Variants in NECAB1 observed in about 807,000 individuals in gnomAD.
NECAB1 encodes the protein N-terminal EF-hand calcium-binding protein 1.
In NECAB1, 29 loss-of-function variants were observed where a neutral mutation model predicts 57.5. That is an observed-to-expected ratio of 0.50 (90% CI 0.38 to 0.69). The LOEUF (loss-of-function observed/expected upper bound fraction) is 0.69. Among genes scored for constraint, NECAB1 ranks in the 30% least tolerant of loss-of-function variants. The pLI is 0.00. For synonymous variants in NECAB1, 142 were observed against 147.7 expected (o/e 0.96, Z 0.28); for missense variants, 372 against 413.8 (o/e 0.90, Z 0.88).
Position 90,889,327 on chromosome 8 carries a change from G to C in NECAB1, c.357+8197G>C, listed in dbSNP as rs554366021. 1.2e-4 allele frequency among the ~76,000 whole-genome samples: 18 copies of C among 152,260 alleles called. 1 individual carries two copies. In the South Asian group the frequency reaches 2.3e-3, roughly 19 times the overall value. The stretch of plus-strand genomic sequence containing the variant: ...AAAAATGTCAGCTAACGCCCTCAAG[G>C]TCACACAGCTGAGATGTGGATAGCG... On this transcript the variant is annotated intron_variant, in intron 5 of 12. Transcript: ENST00000417640.
At chr8:90,953,951 C>T (rs1029735584) in intron 12 of NECAB1, among the ~76,000 whole-genome samples, 3 of 151,916 alleles carry the variant, frequency 2.0e-5, no homozygotes, top group Admixed American at 6.6e-5. Flanking sequence ...TACCTGTAAT[C>T]CCAGCTACTT....
At chr8:90,949,249 G>T (rs867802314) in intron 10 of NECAB1, among the ~76,000 whole-genome samples, 2 of 151,840 alleles carry the variant, frequency 1.3e-5, no homozygotes, top group Middle Eastern at 3.4e-3. Context: ...AAGAGAAAGA[G>T]GGAGAGAGCC....
At chr8:90,931,346 T>C (rs897449163) in intron 8 of NECAB1, among the ~76,000 whole-genome samples, 1 of 152,252 alleles carries the variant, frequency 6.6e-6, no homozygotes, top group Non-Finnish European at 1.5e-5. Flanking sequence ...CTCCTGTAGT[T>C]GTTAACACTA....
intron 5 of NECAB1, among the ~76,000 whole-genome samples, chr8:90,915,652 C>G (rs1809932498): frequency 6.6e-6 from 1 of 152,122 alleles, no homozygotes; most frequent in African/African-American, 2.4e-5. Context: ...TTGATTCACA[C>G]CACATGATCA....
intron 5 of NECAB1, among the ~76,000 whole-genome samples, chr8:90,905,753 A>C (rs113768142): frequency 6.6e-5 from 10 of 152,234 alleles, no homozygotes; most frequent in Admixed American, 2.0e-4. Flanking sequence ...ATGTAAGTTA[A>C]ATACTCTCGT....
chr8:90,823,424 GA>G (rs1246573298), intron 2 of NECAB1, among the ~76,000 whole-genome samples: 1 of 151,580 alleles, frequency 6.6e-6, no homozygotes, highest in Non-Finnish European at 1.5e-5. Flanking sequence ...GTCCTTATCT[GA>G]AAAAAATAAG....
chr8:90,899,111 G>A (rs1809435082), intron 5 of NECAB1, among the ~76,000 whole-genome samples: 2 of 152,226 alleles, frequency 1.3e-5, no homozygotes, highest in African/African-American at 4.8e-5. Context: ...CTATGCCAGT[G>A]GGACGCCCGA....
intron 2 of NECAB1, among the ~76,000 whole-genome samples, chr8:90,821,535 G>A (rs943639251): frequency 1.3e-5 from 2 of 151,402 alleles, no homozygotes; most frequent in Non-Finnish European, 3.0e-5. Flanking sequence ...TCCTAGCCTT[G>A]TCATTTGCAT....
intron 2 of NECAB1, among the ~76,000 whole-genome samples, chr8:90,812,024 A>C (rs1321201573): frequency 6.6e-6 from 1 of 152,134 alleles, no homozygotes; most frequent in Non-Finnish European, 1.5e-5. Flanking sequence ...CTCAAGCAAA[A>C]ATCAGTGTTT....
At chr8:90,862,600 T>C (rs1289731003) in intron 3 of NECAB1, among the ~76,000 whole-genome samples, 1 of 152,168 alleles carries the variant, frequency 6.6e-6, no homozygotes, top group Non-Finnish European at 1.5e-5. Context: ...ATTGAAGGAA[T>C]ATATTGTTCA....
chr8:90,861,984 G>A (rs187954431), intron 3 of NECAB1, among the ~76,000 whole-genome samples: 208 of 152,276 alleles, frequency 1.4e-3, no homozygotes, highest in Admixed American at 2.2e-3. Context: ...GGCTTAGGAG[G>A]AATAGTTAGG....
At chr8:90,954,408 A>T (rs1224960504) in intron 12 of NECAB1, among the ~76,000 whole-genome samples, 1 of 152,126 alleles carries the variant, frequency 6.6e-6, no homozygotes, top group Non-Finnish European at 1.5e-5. Flanking sequence ...ATGGCAGCCC[A>T]AACCACCCAG....
intron 2 of NECAB1, among the ~76,000 whole-genome samples, chr8:90,808,685 G>A (rs1176963794): frequency 3.6e-5 from 4 of 111,606 alleles, no homozygotes; most frequent in Admixed American, 1.3e-4. Context: ...TCACTTTGTC[G>A]CCCAGGCTGG....
rs557994308 is a variant in NECAB1, at chr8:90,917,451, T to G, written c.358-41T>G. ...AAAAAAAAAAATCCTGGGTATTTTT[T>G]TCTACCATACTTCTAATTGCATTTG... On this transcript the variant is annotated intron_variant, in intron 5 of 12. Transcript: ENST00000417640. 7.8e-6 allele frequency: 12 copies of G among 1,547,556 alleles called. No individual in the cohort carries two copies. In the African/African-American group the frequency reaches 1.5e-4, roughly 20 times the overall value.
intron 12 of NECAB1, among the ~76,000 whole-genome samples, chr8:90,953,833 C>T (rs902568563): frequency 4.6e-5 from 7 of 151,992 alleles, no homozygotes; most frequent in South Asian, 2.1e-4. Context: ...CTTTGGGAGG[C>T]GAAGGTGGGC....
intron 2 of NECAB1, among the ~76,000 whole-genome samples, chr8:90,802,603 T>G (rs1811777791): frequency 6.6e-6 from 1 of 152,076 alleles, no homozygotes; most frequent in South Asian, 2.1e-4. Flanking sequence ...ACAGGCAGAG[T>G]CCAGATCTGA....
intron 4 of NECAB1, among the ~76,000 whole-genome samples, chr8:90,874,060 C>T (rs1177345215): frequency 6.6e-6 from 1 of 152,110 alleles, no homozygotes; most frequent in Non-Finnish European, 1.5e-5. Flanking sequence ...CCTCTCTGTT[C>T]AAGAATATGC....
At chr8:90,872,319 A>T in intron 4 of NECAB1, 166 bp downstream of exon 4, 1 of 545,028 alleles carries the variant, frequency 1.8e-6, no homozygotes, top group East Asian at 3.3e-5. Flanking sequence ...AATTTTGCTC[A>T]AGTATGTATT....
At chr8:90,889,763 G>A (rs948228075) in intron 5 of NECAB1, among the ~76,000 whole-genome samples, 4 of 152,190 alleles carry the variant, frequency 2.6e-5, no homozygotes, top group African/African-American at 9.6e-5. Flanking sequence ...GAGAGAGATG[G>A]GCTGGGCGTG....
Sources: gnomAD v4.1 joint callset for allele counts (sites outside exome capture counted in the v4.1 genomes callset) on GRCh38, gnomAD v4.1.1 for gene constraint, MANE v1.5 for transcripts, NCBI Gene and HGNC (gene_info 2026-07-23, HGNC 2026-07-21) for gene names.